The following LRRTM4 variants were observed in gnomAD, a reference collection of about 807,000 sequenced individuals.
LRRTM4 encodes leucine rich repeat transmembrane neuronal 4.
In LRRTM4, 25 loss-of-function variants were observed where a neutral mutation model predicts 47.6. The ratio of observed to expected loss-of-function variants is 0.53; its 90% CI spans 0.38 to 0.73. The LOEUF (loss-of-function observed/expected upper bound fraction) is 0.73, where lower values mean the gene tolerates loss of function less well. Ranked by LOEUF, LRRTM4 falls within the 30% of genes least tolerant of loss-of-function variation. The pLI, the probability that LRRTM4 is intolerant of heterozygous loss-of-function variation, is 0.00. For missense variants in LRRTM4, 638 were observed against 713.4 expected (o/e 0.89, Z 1.20); for synonymous variants, 311 against 269.5 (o/e 1.15, Z -1.51).
intron 3 of LRRTM4, among the ~76,000 whole-genome samples, chr2:77,139,447 T>A (rs933808260): frequency 1.3e-5 from 2 of 152,078 alleles, no homozygotes; most frequent in African/African-American, 4.8e-5. Flanking sequence ...AAACTCTCAA[T>A]AAATTAGGTA....
chr2:76,946,453 G>C (rs1055621857), intron 3 of LRRTM4, among the ~76,000 whole-genome samples: 4 of 151,682 alleles, frequency 2.6e-5, no homozygotes, highest in Non-Finnish European at 5.9e-5. Flanking sequence ...TTCTTGGAAA[G>C]GTGTCCAGTA....
chr2:77,282,270 A>T (rs564275218), intron 3 of LRRTM4, among the ~76,000 whole-genome samples: 1 of 151,856 alleles, frequency 6.6e-6, no homozygotes, highest in African/African-American at 2.4e-5. Flanking sequence ...AATGCCACTT[A>T]TTTGTGTATA....
intron 3 of LRRTM4, among the ~76,000 whole-genome samples, chr2:77,329,946 A>G (rs954823018): frequency 2.6e-5 from 4 of 152,136 alleles, no homozygotes; most frequent in African/African-American, 9.7e-5. Flanking sequence ...AGAAGTTGTG[A>G]ATTCATTTAG....
chr2:77,457,878 GC>G (rs1199519684), intron 3 of LRRTM4, among the ~76,000 whole-genome samples: 1 of 152,134 alleles, frequency 6.6e-6, no homozygotes, highest in East Asian at 1.9e-4. Flanking sequence ...TGTAAGAGAT[GC>G]CTTCCTGGAT....
At chr2:76,995,924 A>C (rs2104006875) in intron 3 of LRRTM4, among the ~76,000 whole-genome samples, 1 of 152,258 alleles carries the variant, frequency 6.6e-6, no homozygotes, top group East Asian at 1.9e-4. Flanking sequence ...TAGTAACTTA[A>C]GAATACTATT....
intron 3 of LRRTM4, among the ~76,000 whole-genome samples, chr2:76,931,703 A>G (rs1674774500): frequency 6.6e-6 from 1 of 152,170 alleles, no homozygotes; most frequent in Middle Eastern, 3.2e-3. Flanking sequence ...GATTTAAAGA[A>G]GAAAAGTATA....
chr2:77,206,477 G>A (rs1490483905), intron 3 of LRRTM4, among the ~76,000 whole-genome samples: 1 of 151,682 alleles, frequency 6.6e-6, no homozygotes, highest in Non-Finnish European at 1.5e-5. Context: ...AAGCCACCAT[G>A]CTTTGCCTCA....
At chr2:76,852,111 C>T (rs1257006786) in intron 3 of LRRTM4, among the ~76,000 whole-genome samples, 25 of 152,016 alleles carry the variant, frequency 1.6e-4, no homozygotes, top group Admixed American at 1.6e-3. Context: ...GGAATTTCAC[C>T]TGCATTATTG....
intron 3 of LRRTM4, among the ~76,000 whole-genome samples, chr2:76,838,470 A>G (rs979101163): frequency 6.6e-6 from 1 of 152,162 alleles, no homozygotes; most frequent in Non-Finnish European, 1.5e-5. Context: ...ATTATTAATG[A>G]TAGTGTAAAA....
chr2:77,437,936 T>C (rs939678545), intron 3 of LRRTM4, among the ~76,000 whole-genome samples: 3 of 152,166 alleles, frequency 2.0e-5, no homozygotes, highest in African/African-American at 2.4e-5. Flanking sequence ...AGCCTTTCTA[T>C]ACCTATCTAT....
At chr2:77,401,657 A>G (rs1573365319) in intron 3 of LRRTM4, among the ~76,000 whole-genome samples, 1 of 152,082 alleles carries the variant, frequency 6.6e-6, no homozygotes, top group South Asian at 2.1e-4. Context: ...TACTTCAAAT[A>G]GCTACCGCCA....
At chr2:77,113,287 A>G (rs1671299712) in intron 3 of LRRTM4, among the ~76,000 whole-genome samples, 1 of 152,172 alleles carries the variant, frequency 6.6e-6, no homozygotes. Context: ...AAAAGGTCCC[A>G]GTCTAAAGGA....
chr2:76,933,435 G>A (rs1380437416), intron 3 of LRRTM4, among the ~76,000 whole-genome samples: 1 of 151,896 alleles, frequency 6.6e-6, no homozygotes, highest in Non-Finnish European at 1.5e-5. Context: ...TTGCTGTAAG[G>A]ATCAAATTTT....
intron 3 of LRRTM4, among the ~76,000 whole-genome samples, chr2:77,089,015 G>C (rs1680828917): frequency 6.6e-6 from 1 of 152,068 alleles, no homozygotes; most frequent in African/African-American, 2.4e-5. Context: ...GGACTGGGAA[G>C]GCAGCCTTCC....
At chr2:76,867,907 C>T (rs184970437) in intron 3 of LRRTM4, among the ~76,000 whole-genome samples, 2 of 152,116 alleles carry the variant, frequency 1.3e-5, no homozygotes, top group Non-Finnish European at 2.9e-5. Flanking sequence ...TCCCAGGAAA[C>T]GTAGTACTGA....
intron 3 of LRRTM4, among the ~76,000 whole-genome samples, chr2:77,489,332 T>C (rs754329265): frequency 3.9e-5 from 6 of 152,200 alleles, no homozygotes; most frequent in South Asian, 2.1e-4. Flanking sequence ...CAACCATTTA[T>C]TGGTCTTCCT....
chr2:77,083,835 C>T (rs1352773417), intron 3 of LRRTM4, among the ~76,000 whole-genome samples: 20 of 96,834 alleles, frequency 2.1e-4, no homozygotes, highest in Non-Finnish European at 3.7e-4. Flanking sequence ...GACGGAGTCT[C>T]GCTCTGTCGC....
intron 3 of LRRTM4, among the ~76,000 whole-genome samples, chr2:76,943,292 C>T (rs1347686480): frequency 6.6e-6 from 1 of 152,016 alleles, no homozygotes; most frequent in Non-Finnish European, 1.5e-5. Context: ...AAAAATTAGC[C>T]AGGCATGGTG....
intron 3 of LRRTM4, among the ~76,000 whole-genome samples, chr2:77,072,821 A>AC (rs1200159523): frequency 5.9e-5 from 9 of 151,598 alleles, no homozygotes; most frequent in Non-Finnish European, 1.3e-4. Flanking sequence ...AAAAAAAAAA[A>AC]AACAAAGGCT....
Sources: gnomAD v4.1 joint callset for allele counts (sites outside exome capture counted in the v4.1 genomes callset) on GRCh38, gnomAD v4.1.1 for gene constraint, MANE v1.5 for transcripts, NCBI Gene and HGNC (gene_info 2026-07-23, HGNC 2026-07-21) for gene names.